The following DPPA2 variants were observed in gnomAD, a reference collection of about 807,000 sequenced individuals.
DPPA2 encodes developmental pluripotency associated 2, also known as developmental pluripotency-associated protein 2.
A neutral mutation model predicts 36.2 loss-of-function variants in DPPA2; 26 were observed. The observed-to-expected ratio is 0.72, with a 90% CI of 0.53 to 1.00. The LOEUF is 1.00. Ranked by LOEUF, DPPA2 falls within the 50% of genes least tolerant of loss-of-function variation. The probability of loss-of-function intolerance (pLI) is 0.00; values close to 1 mark genes in which losing one functional copy is unlikely to be tolerated. For synonymous variants in DPPA2, 113 were observed against 123.2 expected, an observed-to-expected ratio of 0.92 and a Z score of 0.55; for missense variants, 361 against 365.1, an observed-to-expected ratio of 0.99 and a Z score of 0.09.
rs144839994 is a variant in DPPA2, at chr3:109,304,488, C to T, written c.841G>A (p.Asp281Asn). The T allele has an allele frequency of 8.7e-6, 14 of 1,611,764 alleles. No homozygotes were observed. Among genetic ancestry groups the T allele is most frequent in the South Asian group, 5.5e-5 (5 of 90,626 alleles). The stretch of plus-strand genomic sequence containing the variant: ...CATAAGGGTTACCTCTTAGCACAGT[C>T]GGGGCATAACATATTATCTTCTATG... Reference protein sequence around the residue: ...PGIEDNMLCPDCAKRNKKMMK... With the variant: ...PGIEDNMLCPNCAKRNKKMMK... The change falls in exon 7 of 9, where the codon GAC becomes AAC. Residue 281 changes from aspartate (D) to asparagine (N), a missense_variant. Physicochemically the swap from Asp to Asn is conservative, Grantham distance 23. Transcript: ENST00000478945.
chr3:109,309,187 A>G lies in DPPA2; in HGVS notation c.325T>C (p.Leu109=). ...GTACTAACCTTGCCATTAGTACTCAAACCGAGTTGTTGACACCAGTCCCGC... is the reference window on the plus strand; with the variant it reads ...GTACTAACCTTGCCATTAGTACTCAGACCGAGTTGTTGACACCAGTCCCGC... ...TLRDWCQQLG[L]STNGKKIEVY... is the part of the protein sequence containing the mutation. Residue 109 remains leucine, a synonymous_variant, in exon 4 of 9, where the codon TTG becomes CTG. Coordinates refer to ENST00000478945, the MANE Select transcript of DPPA2 (RefSeq NM_138815.4). The G allele has an allele frequency of 6.2e-7, 1 of 1,614,174 alleles. No individual in the cohort carries two copies. Among genetic ancestry groups the G allele is most frequent in the Non-Finnish European group, 8.5e-7 (1 of 1,180,028 alleles).
intron 8 of DPPA2, among the ~76,000 whole-genome samples, chr3:109,299,186 C>T (rs540171192): frequency 9.3e-4 from 138 of 148,826 alleles, no homozygotes; most frequent in Middle Eastern, 3.4e-3. Flanking sequence ...GGTGAAACCC[C>T]GACTCTACTA....
At chr3:109,312,369 C>A (rs7651318) in intron 3 of DPPA2, among the ~76,000 whole-genome samples, 176 bp downstream of exon 3, 2,683 of 152,234 alleles carry the variant, frequency 0.018, 90 homozygotes, top group African/African-American at 0.06. Context: ...TATGGCAGTA[C>A]ATTGGGCTTA....
At position 109,309,270 on chromosome 3, in the gene DPPA2, G is replaced by A. The variant is rs909241283; in HGVS notation, c.242C>T (p.Pro81Leu). 1 of 1,614,046 alleles carries A rather than the reference G, an allele frequency of 6.2e-7. No homozygotes were observed. The highest frequency in any genetic ancestry group is 8.5e-7 in the Non-Finnish European group (1 of 1,180,004). ...TAPQKARCKI[P>L]ALPLPTILPP... ...CAAAATGGTCGGCAAGGGAAGGGCT[G>A]GTATTTTGCATCTAGCTTTTTGTGG... is the stretch of plus-strand genomic sequence containing the variant. Residue 81 changes from proline to leucine, a missense_variant, in exon 4 of 9, where the codon CCA becomes CTA. Pro to Leu is a moderately conservative substitution (Grantham distance 98, BLOSUM62 -3). Coordinates refer to ENST00000478945, the MANE Select transcript of DPPA2 (RefSeq NM_138815.4).
chr3:109,298,602 G>A (rs994377441), intron 8 of DPPA2, among the ~76,000 whole-genome samples: 2 of 151,636 alleles, frequency 1.3e-5, no homozygotes, highest in East Asian at 1.9e-4. Flanking sequence ...TGTAATCCCA[G>A]CTACTCGGAA....
rs934875018 is a variant in DPPA2, at chr3:109,300,515, C to T, written c.855-80G>A. 1.0e-5 allele frequency: 14 copies of T among 1,390,544 alleles called. No homozygotes were observed. The Admixed American group carries it at 2.4e-4, about 24-fold the overall frequency. 86.1% of individuals were successfully genotyped at this position (1,390,544 alleles called of 1,614,324 possible). ...CCCTTACCAATCCCTTTAAAATGAC[C>T]AATAAAATAAAGCATGCACTTCTGG... On this transcript the variant is annotated intron_variant, in intron 7 of 8. Transcript: ENST00000478945.
intron 1 of DPPA2, among the ~76,000 whole-genome samples, chr3:109,314,822 G>A (rs1707762656): frequency 6.6e-6 from 1 of 152,120 alleles, no homozygotes; most frequent in African/African-American, 2.4e-5. Flanking sequence ...CAGCACTTTG[G>A]GAGGCCCAGG....
chr3:109,299,231 G>A (rs1024681181), intron 8 of DPPA2, among the ~76,000 whole-genome samples: 6 of 151,220 alleles, frequency 4.0e-5, no homozygotes, highest in South Asian at 2.1e-4. Flanking sequence ...ATTGACTGGG[G>A]GCTGGGTGCG....
intron 7 of DPPA2, among the ~76,000 whole-genome samples, chr3:109,303,335 T>C (rs562014531): frequency 3.3e-5 from 5 of 152,168 alleles, no homozygotes; most frequent in East Asian, 1.9e-4. Context: ...TATTCCAATA[T>C]AGATTCTTCC....
intron 6 of DPPA2, among the ~76,000 whole-genome samples, chr3:109,306,484 C>T (rs892789533): frequency 6.6e-5 from 10 of 152,136 alleles, no homozygotes; most frequent in African/African-American, 2.2e-4. Flanking sequence ...ATAATGTGTC[C>T]TACCATACTA....
At chr3:109,307,833 C>T (rs2107314286) in intron 6 of DPPA2, among the ~76,000 whole-genome samples, 199 bp downstream of exon 6, 1 of 152,226 alleles carries the variant, frequency 6.6e-6, no homozygotes, top group Admixed American at 6.5e-5. Context: ...TACTCAGTCA[C>T]CTGATTTAGA....
chr3:109,305,226 T>C (rs57404322), intron 6 of DPPA2, among the ~76,000 whole-genome samples: 1 of 152,130 alleles, frequency 6.6e-6, no homozygotes. Context: ...TTGTTTTGTG[T>C]CCAATATTTT....
At chr3:109,314,465 GA>G in intron 2 of DPPA2, 44 bp downstream of exon 2, 1 of 1,597,200 alleles carries the variant, frequency 6.3e-7, no homozygotes, top group Non-Finnish European at 8.6e-7. Context: ...GAAAGACTCT[GA>G]AAAGCGACTG....
At position 109,308,228 on chromosome 3, in the gene DPPA2, G is replaced by A. The variant is rs780863080; in HGVS notation, c.462C>T (p.Thr154=). 1 of 1,614,134 alleles carries A rather than the reference G, an allele frequency of 6.2e-7. No homozygotes were observed. The highest frequency in any genetic ancestry group is 1.1e-5 in the South Asian group (1 of 91,072). The part of the protein sequence containing the change: ...QRCSRKRKAV[T]KRARLQRSYE... ...AACTTCTCTGAAGCCTTGCTCTCTTGGTCACTGCCTTGCGTTTCCTCGAAC... is the reference window on the plus strand; with the variant it reads ...AACTTCTCTGAAGCCTTGCTCTCTTAGTCACTGCCTTGCGTTTCCTCGAAC... The change falls in exon 6 of 9, where the codon ACC becomes ACT. Residue 154 remains threonine (T), a synonymous_variant. Transcript: ENST00000478945.
At position 109,299,465 on chromosome 3, in the gene DPPA2, T is replaced by C. The variant is rs151266262; in HGVS notation, c.*22+906A>G. The stretch of plus-strand genomic sequence containing the variant: ...GTGGGAGGCGGAGGTTGCAGTGAGC[T>C]GAGATCACGCCACTGCACTCCAGCC... On this transcript the variant is annotated intron_variant, in intron 8 of 8. Coordinates refer to ENST00000478945, the MANE Select transcript of DPPA2 (RefSeq NM_138815.4). Among the ~76,000 whole-genome samples, 800 of 151,830 alleles carry C rather than the reference T, an allele frequency of 5.3e-3. 9 individuals are homozygous for C. Among genetic ancestry groups the C allele is most frequent in the African/African-American group, 0.018 (742 of 41,418 alleles).
intron 3 of DPPA2, among the ~76,000 whole-genome samples, chr3:109,310,988 G>A (rs1207007600): frequency 2.6e-5 from 4 of 151,958 alleles, no homozygotes; most frequent in Admixed American, 2.0e-4. Flanking sequence ...TTTTTGTAGA[G>A]ACAGGGTTTC....
rs1707484174 is a variant in DPPA2 at position 109,303,014 on chromosome 3, G to A, written c.854+1461C>T. ...GTAGACATAAAATCTTTCATGGTCT[G>A]CTCCTCCACTCCCCAAACTCATTTC... On this transcript the variant is annotated intron_variant, in intron 7 of 8. Coordinates refer to ENST00000478945, the MANE Select transcript of DPPA2 (RefSeq NM_138815.4). Among the ~76,000 whole-genome samples, 3 of 152,092 alleles carry A rather than the reference G, an allele frequency of 2.0e-5. No individual in the cohort carries two copies. The South Asian group carries it at 6.2e-4, about 32-fold the overall frequency.
intron 8 of DPPA2, among the ~76,000 whole-genome samples, chr3:109,296,298 T>C (rs911394891): frequency 4.6e-5 from 7 of 152,172 alleles, no homozygotes; most frequent in African/African-American, 7.2e-5. Context: ...ACACCTTAAC[T>C]GTAAAGGAAC....
At chr3:109,294,983 T>C (rs1707325987) in intron 8 of DPPA2, among the ~76,000 whole-genome samples, 1 of 152,124 alleles carries the variant, frequency 6.6e-6, no homozygotes, top group South Asian at 2.1e-4. Context: ...ATTGCACCAC[T>C]GTACTCCAGC....
Sources: allele counts gnomAD v4.1 joint callset (sites outside exome capture counted in the v4.1 genomes callset), GRCh38; gene constraint gnomAD v4.1.1; transcripts MANE v1.5; gene names NCBI Gene and HGNC (gene_info 2026-07-23, HGNC 2026-07-21).